Variants in EHD2 observed in about 807,000 individuals in gnomAD.
The protein encoded by EHD2 is EH domain-containing protein 2.
Under a neutral mutation model 41.0 loss-of-function variants are expected in EHD2, and 27 were observed. That is an observed-to-expected ratio of 0.66 (90% CI 0.49 to 0.91). The LOEUF (loss-of-function observed/expected upper bound fraction) is 0.91. EHD2 is among the 40% of genes least tolerant of loss of function. The probability of loss-of-function intolerance (pLI) is 0.00; values close to 1 mark genes in which losing one functional copy is unlikely to be tolerated. For missense variants in EHD2, 673 were observed against 773.9 expected (o/e 0.87, Z 1.55); for synonymous variants, 342 against 341.0 (o/e 1.00, Z -0.03).
intron 3 of EHD2, among the ~76,000 whole-genome samples, chr19:47,722,009 AACACACACACACACACACAC>A (rs201572396): frequency 8.4e-5 from 11 of 130,738 alleles, no homozygotes; most frequent in East Asian, 2.3e-4. Context: ...AGAAAAACAA[AACACACACACACACACACAC>A]ACACACACAC....
intron 4 of EHD2, among the ~76,000 whole-genome samples, chr19:47,726,714 T>G (rs919840217): frequency 7.2e-5 from 11 of 152,134 alleles, no homozygotes; most frequent in Admixed American, 2.6e-4. Flanking sequence ...TCTCGCTCTC[T>G]TGCCCTGGCT....
At chr19:47,723,469 G>A (rs1172934642) in intron 3 of EHD2, among the ~76,000 whole-genome samples, 1 of 151,962 alleles carries the variant, frequency 6.6e-6, no homozygotes, top group East Asian at 1.9e-4. Flanking sequence ...AGACCATCCT[G>A]GCCAACATGG....
At chr19:47,723,540 C>T (rs1286057067) in intron 3 of EHD2, among the ~76,000 whole-genome samples, 2 of 150,910 alleles carry the variant, frequency 1.3e-5, no homozygotes, top group Non-Finnish European at 2.9e-5. Context: ...CCTGTAATCC[C>T]AGCTACTCGG....
intron 4 of EHD2, among the ~76,000 whole-genome samples, chr19:47,735,598 C>CAA (rs111442294): frequency 2.9e-5 from 4 of 139,738 alleles, no homozygotes; most frequent in African/African-American, 1.0e-4. Flanking sequence ...ACCCTGTCTC[C>CAA]AAAAAAAAAA....
At chr19:47,729,880 C>T (rs774549804) in intron 4 of EHD2, among the ~76,000 whole-genome samples, 3 of 152,082 alleles carry the variant, frequency 2.0e-5, no homozygotes, top group Non-Finnish European at 4.4e-5. Flanking sequence ...CTTTCTTCTC[C>T]ATTTTTACTT....
At chr19:47,723,614 C>T (rs1446524069) in intron 3 of EHD2, among the ~76,000 whole-genome samples, 2 of 148,378 alleles carry the variant, frequency 1.3e-5, no homozygotes, top group Middle Eastern at 3.4e-3. Flanking sequence ...TGAGATCGCG[C>T]CACTGCACTC....
Position 47,742,023 on chromosome 19 carries a change from G to A in EHD2, c.*591G>A, listed in dbSNP as rs1269225862. 1 of 447,198 alleles carries A rather than the reference G, an allele frequency of 2.2e-6. No homozygotes were observed. The highest frequency in any genetic ancestry group is 7.0e-5 in the East Asian group (1 of 14,272). The allele number at this position is 447,198 out of a possible 1,614,324, so 27.7% of individuals were successfully genotyped here. On this transcript the variant is annotated 3_prime_UTR_variant, in exon 6 of 6. Coordinates refer to ENST00000263277, the MANE Select transcript of EHD2 (RefSeq NM_014601.4). ...CATCCTCAGGTCTCGGGACCATGGG[G>A]GGCTCAGAGGGGAGACACACCTACT...
chr19:47,739,711 G>A (rs1224763472), intron 5 of EHD2, among the ~76,000 whole-genome samples: 2 of 150,746 alleles, frequency 1.3e-5, no homozygotes, highest in African/African-American at 2.4e-5. Flanking sequence ...GCCTCCCAAA[G>A]TGCTGGGATT....
At position 47,742,562 on chromosome 19, in the gene EHD2, GT is replaced by G. The variant is rs1967003543; in HGVS notation, c.*1131del. The G allele has an allele frequency of 6.5e-6, 1 of 153,484 alleles. No individual in the cohort carries two copies. Among genetic ancestry groups the G allele is most frequent in the African/African-American group, 2.4e-5 (1 of 41,446 alleles). The allele number at this position is 153,484 out of a possible 1,614,324, so 9.5% of individuals were successfully genotyped here. A position where few individuals can be genotyped will look rare whatever the true frequency, so the allele number is the denominator to read the frequency against. Reference sequence around the variant, plus strand: ...GATGGGATTACAGGCATGAGCCACCGTGCCCGGCTTCACACCCATTTCTTTA... The same window carrying G: ...GATGGGATTACAGGCATGAGCCACCGGCCCGGCTTCACACCCATTTCTTTA... On this transcript the variant is annotated 3_prime_UTR_variant, in exon 6 of 6. Transcript: ENST00000263277.
chr19:47,727,795 C>G (rs1224049139), intron 4 of EHD2, among the ~76,000 whole-genome samples: 3 of 149,444 alleles, frequency 2.0e-5, no homozygotes, highest in African/African-American at 7.4e-5. Context: ...AGTAAACAGA[C>G]ATAAAATAAC....
At chr19:47,724,147 C>T (rs1237054378) in intron 3 of EHD2, among the ~76,000 whole-genome samples, 2 of 147,120 alleles carry the variant, frequency 1.4e-5, no homozygotes, top group Non-Finnish European at 3.0e-5. Context: ...GATGCTATCT[C>T]GGCTCACTGC....
Position 47,719,259 on chromosome 19 carries a change from TGAGGCAGAGCCTGGGCAGGG to T in EHD2, c.502+665_502+684del, listed in dbSNP as rs1973669585. Among the ~76,000 whole-genome samples the T allele has an allele frequency of 1.3e-5, 2 of 151,624 alleles. No individual in the cohort carries two copies. The highest frequency in any genetic ancestry group is 4.9e-5 in the African/African-American group (2 of 41,214). ...CGCAGGGAGACACAAGGCCTGGAGA[TGAGGCAGAGCCTGGGCAGGG>T]GAGGCAGAGCCCGGGCAGGGGAGGC... On this transcript the variant is annotated intron_variant, in intron 3 of 5. Transcript: ENST00000263277. The surrounding 1 kb of genome is among the most constrained non-coding windows in gnomAD (Gnocchi z 4.1).
At chr19:47,724,352 C>A (rs1460525933) in intron 3 of EHD2, among the ~76,000 whole-genome samples, 2 of 152,140 alleles carry the variant, frequency 1.3e-5, no homozygotes, top group Non-Finnish European at 2.9e-5. Flanking sequence ...AGCCATCACA[C>A]CTGGCTTCAC....
At chr19:47,715,794 T>G (rs1973618915) in intron 1 of EHD2, among the ~76,000 whole-genome samples, 1 of 152,104 alleles carries the variant, frequency 6.6e-6, no homozygotes, top group Non-Finnish European at 1.5e-5. Context: ...CCTATTTTTT[T>G]TGAAATGGAG....
At chr19:47,723,623 T>C (rs1599891287) in intron 3 of EHD2, among the ~76,000 whole-genome samples, 1 of 117,790 alleles carries the variant, frequency 8.5e-6, no homozygotes. Flanking sequence ...GCCACTGCAC[T>C]CCAACCTGGG....
intron 4 of EHD2, chr19:47,731,628 A>G (rs193071221): frequency 6.6e-6 from 1 of 151,800 alleles, no homozygotes; most frequent in African/African-American, 2.4e-5. Context: ...TTTTTTAACT[A>G]GTCTTTTTTA....
intron 5 of EHD2, among the ~76,000 whole-genome samples, chr19:47,737,104 G>A (rs952020822): frequency 2.0e-5 from 3 of 152,034 alleles, no homozygotes; most frequent in Middle Eastern, 3.4e-3. Flanking sequence ...GGTGGTGGGC[G>A]CCTGTAGTCC....
At chr19:47,725,764 G>T in intron 3 of EHD2, 48 bp from the exon 4 acceptor site, 1 of 1,537,904 alleles carries the variant, frequency 6.5e-7, no homozygotes, top group Non-Finnish European at 8.8e-7. Context: ...GGAGGGTGGG[G>T]GTCTGATTTC....
intron 3 of EHD2, among the ~76,000 whole-genome samples, chr19:47,722,057 C>CG (rs71180871): frequency 1.4e-5 from 2 of 144,562 alleles, no homozygotes; most frequent in Admixed American, 6.9e-5. Context: ...CACACACACA[C>CG]TGGGAATAAT....
Sources: gnomAD v4.1 joint callset for allele counts (sites outside exome capture counted in the v4.1 genomes callset) on GRCh38, gnomAD v4.1.1 for gene constraint, Gnocchi (gnomAD v3.1) non-coding constraint, MANE v1.5 for transcripts, NCBI Gene and HGNC (gene_info 2026-07-23, HGNC 2026-07-21) for gene names.